TNFRSF19: variants seen among roughly 807,000 people sequenced by gnomAD.
The protein encoded by TNFRSF19 is tumor necrosis factor receptor superfamily member 19.
TNFRSF19 carries 27 observed loss-of-function variants against 46.4 expected under a neutral mutation model. The observed-to-expected ratio is 0.58, with a 90% CI of 0.43 to 0.80. The LOEUF is 0.80. Ranked by LOEUF, TNFRSF19 falls within the 30% of genes least tolerant of loss-of-function variation. The pLI, the probability that TNFRSF19 is intolerant of heterozygous loss-of-function variation, is 0.00. For missense variants in TNFRSF19, 511 were observed against 530.8 expected (o/e 0.96, Z 0.37); for synonymous variants, 204 against 205.0 (o/e 1.00, Z 0.04).
In TNFRSF19 at chr13:23,673,703, A is replaced by G; in HGVS notation, c.*323A>G. 2.3e-6 allele frequency: 1 copy of G among 427,022 alleles called. No individual in the cohort carries two copies. Among genetic ancestry groups the G allele is most frequent in the Non-Finnish European group, 3.6e-6 (1 of 278,126 alleles). 26.5% of individuals were successfully genotyped at this position (427,022 alleles called of 1,614,324 possible). Reference sequence around the variant, plus strand: ...TGGCAGCCTATGAGATTGTGGACATATAACAAGAAACAGAAATGCCCTCAT... The same window carrying G: ...TGGCAGCCTATGAGATTGTGGACATGTAACAAGAAACAGAAATGCCCTCAT... On this transcript the variant is annotated 3_prime_UTR_variant, in exon 10 of 10. Coordinates refer to ENST00000248484, the MANE Select transcript of TNFRSF19 (RefSeq NM_148957.4).
intron 7 of TNFRSF19, among the ~76,000 whole-genome samples, chr13:23,664,497 C>T (rs1447647704): frequency 1.3e-5 from 2 of 152,172 alleles, no homozygotes; most frequent in Non-Finnish European, 2.9e-5. Flanking sequence ...CAACCACCCT[C>T]TCTACAAGTC....
chr13:23,580,239 T>A (rs1477444789), intron 1 of TNFRSF19, among the ~76,000 whole-genome samples: 4 of 152,178 alleles, frequency 2.6e-5, no homozygotes, highest in Non-Finnish European at 5.9e-5. Context: ...CAGTCTCCGT[T>A]CACTATTGTA....
In TNFRSF19 at chr13:23,617,958, G is replaced by A. The variant is rs532754959; in HGVS notation, c.359+1913G>A. On this transcript the variant is annotated intron_variant, in intron 4 of 9. Transcript: ENST00000248484. The stretch of plus-strand genomic sequence containing the variant: ...GAGTGGTTTTGACCAGATGTCCCGG[G>A]GGTGGGGTCTTGTTGAGGCCAGAGA... 1.4e-4 allele frequency among the ~76,000 whole-genome samples: 22 copies of A among 152,242 alleles called. No homozygotes were observed. The East Asian group carries it at 4.2e-3, about 29-fold the overall frequency.
chr13:23,636,367 G>C (rs1488324145), intron 5 of TNFRSF19, among the ~76,000 whole-genome samples: 1 of 152,128 alleles, frequency 6.6e-6, no homozygotes, highest in African/African-American at 2.4e-5. Context: ...AACATGTCAG[G>C]GAGTCTGTTT....
At chr13:23,650,926 C>G (rs978273626) in intron 5 of TNFRSF19, among the ~76,000 whole-genome samples, 10 of 152,092 alleles carry the variant, frequency 6.6e-5, no homozygotes, top group African/African-American at 2.4e-4. Context: ...TGTCAGAGTG[C>G]TTGGTATAAA....
rs142823976 is a variant in TNFRSF19, at chr13:23,593,526, A to T, written c.180+71A>T. 1.4e-5 allele frequency: 15 copies of T among 1,042,772 alleles called. No homozygotes were observed. The Admixed American group carries it at 3.6e-4, about 25-fold the overall frequency. 64.6% of individuals were successfully genotyped at this position (1,042,772 alleles called of 1,614,324 possible). ...GCATTCGTCTTAACTCAATTCTTTG[A>T]GTTAATTATTAATGAAACTTTGGAT... On this transcript the variant is annotated intron_variant, in intron 3 of 9. Coordinates refer to ENST00000248484, the MANE Select transcript of TNFRSF19 (RefSeq NM_148957.4).
intron 5 of TNFRSF19, among the ~76,000 whole-genome samples, chr13:23,653,698 GTTGAGATGCATC>G: frequency 6.6e-6 from 1 of 152,316 alleles, no homozygotes; most frequent in South Asian, 2.1e-4. Context: ...GACATGGTGA[GTTGAGATGCATC>G]TTTATCCATG....
intron 5 of TNFRSF19, among the ~76,000 whole-genome samples, chr13:23,627,094 C>A (rs990553423): frequency 2.6e-5 from 4 of 152,146 alleles, no homozygotes; most frequent in Admixed American, 2.0e-4. Flanking sequence ...CTTTGAATAA[C>A]CAGGCGGCTC....
intron 8 of TNFRSF19, among the ~76,000 whole-genome samples, chr13:23,668,366 G>A (rs1951685664): frequency 6.6e-6 from 1 of 152,122 alleles, no homozygotes; most frequent in South Asian, 2.1e-4. Flanking sequence ...TAACATGTAA[G>A]TAATTTTTAC....
In TNFRSF19 at chr13:23,589,427, G is replaced by A. The variant is rs181158200; in HGVS notation, c.-34-723G>A. Among the ~76,000 whole-genome samples, 6 of 152,314 alleles carry A rather than the reference G, an allele frequency of 3.9e-5. No homozygotes were observed. In the East Asian group the frequency reaches 1.2e-3, roughly 29 times the overall value. On this transcript the variant is annotated intron_variant, in intron 1 of 9. Transcript: ENST00000248484. The stretch of plus-strand genomic sequence containing the variant: ...CATACTTTGCTCTATTCTGGTTTGG[G>A]AAAGAATTCATAAATGCAAAATATT...
At chr13:23,620,391 A>C (rs2138270724) in intron 4 of TNFRSF19, among the ~76,000 whole-genome samples, 1 of 152,296 alleles carries the variant, frequency 6.6e-6, no homozygotes, top group South Asian at 2.1e-4. Flanking sequence ...GTCCCCCAGG[A>C]CACCAGCTGC....
chr13:23,640,116 G>A (rs1458321122), intron 5 of TNFRSF19, among the ~76,000 whole-genome samples: 2 of 152,140 alleles, frequency 1.3e-5, no homozygotes, highest in Non-Finnish European at 2.9e-5. Flanking sequence ...AGAGAAAGGG[G>A]TTTGGCTACC....
intron 1 of TNFRSF19, among the ~76,000 whole-genome samples, chr13:23,580,189 A>G (rs1181307974): frequency 6.6e-6 from 1 of 152,212 alleles, no homozygotes; most frequent in East Asian, 1.9e-4. Context: ...TGGCGGATCA[A>G]AATTCTGTGA....
intron 7 of TNFRSF19, among the ~76,000 whole-genome samples, chr13:23,663,046 A>T (rs565932356): frequency 2.6e-4 from 39 of 152,230 alleles, no homozygotes; most frequent in African/African-American, 8.9e-4. Flanking sequence ...AGGATTTCCC[A>T]TACTGTGTTG....
chr13:23,621,827 G>A (rs1408737988), intron 4 of TNFRSF19, among the ~76,000 whole-genome samples: 1 of 151,910 alleles, frequency 6.6e-6, no homozygotes, highest in African/African-American at 2.4e-5. Flanking sequence ...ATACACACCT[G>A]TAGTCCCAGC....
intron 5 of TNFRSF19, among the ~76,000 whole-genome samples, chr13:23,637,231 T>C (rs936617320): frequency 2.0e-5 from 3 of 152,238 alleles, no homozygotes; most frequent in Non-Finnish European, 4.4e-5. Context: ...TTCTCATAAC[T>C]ATCTCAGTTG....
At chr13:23,597,309 T>C (rs1288022544) in intron 3 of TNFRSF19, among the ~76,000 whole-genome samples, 1 of 151,950 alleles carries the variant, frequency 6.6e-6, no homozygotes, top group Non-Finnish European at 1.5e-5. Flanking sequence ...ATCCAGGAGC[T>C]GTTTTTTTTA....
intron 3 of TNFRSF19, among the ~76,000 whole-genome samples, chr13:23,613,271 A>G (rs986819388): frequency 1.3e-5 from 2 of 152,222 alleles, no homozygotes; most frequent in Non-Finnish European, 2.9e-5. Flanking sequence ...CTTTATATGC[A>G]TTCCCATTTA....
chr13:23,665,843 T>C (rs933475345), intron 7 of TNFRSF19, among the ~76,000 whole-genome samples: 1 of 152,204 alleles, frequency 6.6e-6, no homozygotes, highest in Admixed American at 6.5e-5. Context: ...AGTATTGTCT[T>C]TTGTAGCAAA....
Sources: gnomAD v4.1 joint callset for allele counts (sites outside exome capture counted in the v4.1 genomes callset) on GRCh38, gnomAD v4.1.1 for gene constraint, MANE v1.5 for transcripts, NCBI Gene and HGNC (gene_info 2026-07-23, HGNC 2026-07-21) for gene names.